Variants in FRMD4A observed in about 807,000 individuals in gnomAD.
FRMD4A encodes the protein FERM domain-containing protein 4A.
A neutral mutation model predicts 129.1 loss-of-function variants in FRMD4A; 29 were observed. The observed-to-expected ratio is 0.22, with a 90% CI of 0.17 to 0.31. FRMD4A has a LOEUF of 0.31. Ranked by LOEUF, FRMD4A falls within the 10% of genes least tolerant of loss-of-function variation. The probability of loss-of-function intolerance (pLI) is 1.00; values close to 1 mark genes in which losing one functional copy is unlikely to be tolerated. For synonymous variants in FRMD4A, 634 were observed against 571.6 expected (o/e 1.11, Z -1.56); for missense variants, 1,272 against 1,375.8 (o/e 0.92, Z 1.19).
intron 15 of FRMD4A, among the ~76,000 whole-genome samples, chr10:13,683,272 G>A (rs1387776599): frequency 6.6e-6 from 1 of 152,150 alleles, no homozygotes; most frequent in Admixed American, 6.5e-5. Flanking sequence ...CCTGCCTGCC[G>A]GGAGGCAGAA....
At chr10:13,840,569 A>C (rs1291156604) in intron 3 of FRMD4A, among the ~76,000 whole-genome samples, 2 of 111,352 alleles carry the variant, frequency 1.8e-5, no homozygotes, top group Non-Finnish European at 4.0e-5. Flanking sequence ...TGGGTGGATC[A>C]CTTGAGGTCA....
Position 14,280,867 on chromosome 10 carries a change from C to T in FRMD4A, c.45+49191G>A, listed in dbSNP as rs111910851. 2.1e-3 allele frequency among the ~76,000 whole-genome samples: 320 copies of T among 151,802 alleles called. 1 individual carries two copies. Among genetic ancestry groups the T allele is most frequent in the African/African-American group, 7.3e-3 (304 of 41,392 alleles). On this transcript the variant is annotated intron_variant, in intron 2 of 24. Coordinates refer to ENST00000357447, the MANE Select transcript of FRMD4A (RefSeq NM_018027.5). ...CAATGGTGTTCTCTCAATATCTATA[C>T]ATTGAAGCCCCAGCCCCTGTACTCA...
chr10:13,682,471 A>G (rs1377532814), intron 15 of FRMD4A, among the ~76,000 whole-genome samples: 1 of 150,326 alleles, frequency 6.7e-6, no homozygotes, highest in Non-Finnish European at 1.5e-5. Flanking sequence ...ATCCTCACAG[A>G]GACATCATTC....
chr10:13,708,325 T>C (rs2087679525), intron 12 of FRMD4A, among the ~76,000 whole-genome samples: 1 of 152,198 alleles, frequency 6.6e-6, no homozygotes, highest in Non-Finnish European at 1.5e-5. Context: ...CTTCCCAGGC[T>C]GGGGACACTG....
chr10:14,036,941 T>C (rs1833529867), intron 2 of FRMD4A, among the ~76,000 whole-genome samples: 1 of 152,162 alleles, frequency 6.6e-6, no homozygotes, highest in African/African-American at 2.4e-5. Context: ...TGAAACTCTT[T>C]TGTTACTATT....
At chr10:14,151,659 A>G (rs1366459466) in intron 2 of FRMD4A, among the ~76,000 whole-genome samples, 3 of 152,144 alleles carry the variant, frequency 2.0e-5, no homozygotes, top group African/African-American at 4.8e-5. Context: ...AAATTCATAT[A>G]TATATATGAA....
At chr10:13,849,607 A>T (rs959469497) in intron 3 of FRMD4A, among the ~76,000 whole-genome samples, 1 of 150,892 alleles carries the variant, frequency 6.6e-6, no homozygotes, top group Admixed American at 6.6e-5. Context: ...CAGCCTCCCG[A>T]GTAGCTGGGA....
intron 2 of FRMD4A, among the ~76,000 whole-genome samples, chr10:14,068,656 A>G (rs769071164): frequency 6.6e-6 from 1 of 152,228 alleles, no homozygotes; most frequent in Non-Finnish European, 1.5e-5. Flanking sequence ...TACATTTGAC[A>G]TCACTTACAT....
intron 2 of FRMD4A, among the ~76,000 whole-genome samples, chr10:14,040,373 G>T (rs1833731966): frequency 1.3e-5 from 2 of 152,006 alleles, no homozygotes; most frequent in South Asian, 2.1e-4. Flanking sequence ...GGGCTGTAGG[G>T]GTGGTTTCTG....
chr10:13,779,167 A>G (rs1382941154), intron 6 of FRMD4A, among the ~76,000 whole-genome samples: 1 of 152,086 alleles, frequency 6.6e-6, no homozygotes, highest in Admixed American at 6.5e-5. Flanking sequence ...AAATACAAAA[A>G]TTAGCCAGGT....
chr10:13,758,706 CT>C (rs2130687800), intron 8 of FRMD4A, among the ~76,000 whole-genome samples: 2 of 152,264 alleles, frequency 1.3e-5, no homozygotes, highest in South Asian at 4.2e-4. Flanking sequence ...CTTCTTTTCG[CT>C]TAATAATCCA....
intron 2 of FRMD4A, among the ~76,000 whole-genome samples, chr10:14,283,120 T>C (rs746002079): frequency 2.6e-5 from 4 of 152,208 alleles, no homozygotes; most frequent in Non-Finnish European, 5.9e-5. Flanking sequence ...CTCACAAATT[T>C]GAAGGGATTA....
At chr10:13,985,945 C>G (rs1054619379) in intron 2 of FRMD4A, among the ~76,000 whole-genome samples, 5 of 152,222 alleles carry the variant, frequency 3.3e-5, no homozygotes, top group African/African-American at 1.2e-4. Context: ...CACCAACTGG[C>G]TCCAAACGAA....
intron 2 of FRMD4A, among the ~76,000 whole-genome samples, chr10:14,121,808 TG>T (rs146670631): frequency 3.7e-4 from 57 of 152,336 alleles, no homozygotes; most frequent in African/African-American, 1.3e-3. Context: ...CCATTCCGGC[TG>T]GCTTTGAACC....
At chr10:14,122,121 T>C (rs1219512982) in intron 2 of FRMD4A, among the ~76,000 whole-genome samples, 1 of 152,226 alleles carries the variant, frequency 6.6e-6, no homozygotes, top group African/African-American at 2.4e-5. Flanking sequence ...ACCTAACCTC[T>C]CTAAGCTGCA....
At chr10:13,688,025 T>G (rs1055765605) in intron 15 of FRMD4A, among the ~76,000 whole-genome samples, 1 of 152,128 alleles carries the variant, frequency 6.6e-6, no homozygotes, top group Non-Finnish European at 1.5e-5. Context: ...GGCCCTGATC[T>G]CAAGCCTTAA....
At chr10:13,653,047 G>A (rs1328634866) in intron 23 of FRMD4A, 2 of 151,666 alleles carry the variant, frequency 1.3e-5, no homozygotes, top group African/African-American at 2.4e-5. Context: ...TCTATGAAAC[G>A]AAAACATCTG....
chr10:14,128,045 CCTCTT>C lies in FRMD4A; in HGVS notation c.45+202008_45+202012del, dbSNP rs1839004867. 7.0e-4 allele frequency among the ~76,000 whole-genome samples: 53 copies of C among 75,566 alleles called. 1 individual carries two copies. The highest frequency in any genetic ancestry group is 2.7e-3 in the African/African-American group (49 of 17,926). 49.6% of individuals were successfully genotyped at this position (75,566 alleles called of 152,430 possible). ...CTTCCTTCCTTCCTTCCTTTCTTTCCCTCTTTCTTTCTTTCTTTCTTTCTTTCTTT... is the reference window on the plus strand; with the variant it reads ...CTTCCTTCCTTCCTTCCTTTCTTTCCTCTTTCTTTCTTTCTTTCTTTCTTT... On this transcript the variant is annotated intron_variant, in intron 2 of 24. Transcript: ENST00000357447.
In FRMD4A at chr10:13,964,183, C is replaced by T. The variant is rs532137596; in HGVS notation, c.46-105271G>A. ...TCCACAACTCTGATGACTCTGATGACGGACGCGGTTTCTACAAATAGACCA... is the reference window on the plus strand; with the variant it reads ...TCCACAACTCTGATGACTCTGATGATGGACGCGGTTTCTACAAATAGACCA... On this transcript the variant is annotated intron_variant, in intron 2 of 24. Coordinates refer to ENST00000357447, the MANE Select transcript of FRMD4A (RefSeq NM_018027.5). Among the ~76,000 whole-genome samples the T allele has an allele frequency of 1.5e-4, 23 of 150,432 alleles. No homozygotes were observed. In the South Asian group the frequency reaches 1.9e-3, roughly 12 times the overall value.
Sources: allele counts gnomAD v4.1 joint callset (sites outside exome capture counted in the v4.1 genomes callset), GRCh38; gene constraint gnomAD v4.1.1; transcripts MANE v1.5; gene names NCBI Gene and HGNC (gene_info 2026-07-23, HGNC 2026-07-21).